LEMD1: variants seen among roughly 807,000 people sequenced by gnomAD.
LEMD1 encodes the protein LEM domain containing 1.
LEMD1 carries 18 observed loss-of-function variants against 17.4 expected under a neutral mutation model. The observed-to-expected ratio is 1.04, with a 90% CI of 0.72 to 1.54. The LOEUF is 1.54. LEMD1 is among the 40% of genes most tolerant of loss of function. LEMD1 has a pLI of 0.00. For synonymous variants in LEMD1, 88 were observed against 77.8 expected (o/e 1.13, Z -0.69); for missense variants, 195 against 210.4 (o/e 0.93, Z 0.45).
chr1:205,401,468 TG>T (rs1471897467), intron 4 of LEMD1, among the ~76,000 whole-genome samples: 1 of 92,054 alleles, frequency 1.1e-5, no homozygotes, highest in Non-Finnish European at 2.4e-5. Context: ...CATTTTTTCA[TG>T]TGTCTTTTGG....
At chr1:205,419,387 C>T in intron 2 of LEMD1, 35 bp from the exon 3 acceptor site, 1 of 1,613,040 alleles carries the variant, frequency 6.2e-7, no homozygotes, top group South Asian at 1.1e-5. Context: ...TTAAATTGTT[C>T]TGTTTTTTGT....
At chr1:205,424,785 G>T (rs1558738768), upstream of LEMD1, among the ~76,000 whole-genome samples, 1 of 152,180 alleles carries the variant, frequency 6.6e-6, no homozygotes, top group Admixed American at 6.5e-5. Context: ...GAAGGATCTG[G>T]TGTGTCACAC....
At chr1:205,442,849 G>A (rs1480897665) in intron 1 of LEMD1, among the ~76,000 whole-genome samples, 2 of 152,194 alleles carry the variant, frequency 1.3e-5, no homozygotes, top group Non-Finnish European at 2.9e-5. Context: ...CCTAGAGAGA[G>A]ACGGGGATCC....
At chr1:205,423,003 TAGAA>T (rs1172615674), upstream of LEMD1, among the ~76,000 whole-genome samples, 3 of 152,218 alleles carry the variant, frequency 2.0e-5, no homozygotes, top group African/African-American at 7.2e-5. Flanking sequence ...GCTTGGCACA[TAGAA>T]AGCATTATAT....
In LEMD1 at chr1:205,381,560, G is replaced by A; in HGVS notation, c.*98C>T. 8.6e-7 allele frequency: 1 copy of A among 1,169,534 alleles called. No homozygotes were observed. The highest frequency in any genetic ancestry group is 1.3e-5 in the South Asian group (1 of 78,704). 72.4% of individuals were successfully genotyped at this position (1,169,534 alleles called of 1,614,324 possible). A position where few individuals can be genotyped will look rare whatever the true frequency, so the allele number is the denominator to read the frequency against. On this transcript the variant is annotated 3_prime_UTR_variant, in exon 6 of 6. Transcript: ENST00000367153. ...CAGTGCAAGGGAAGGCTCCCTGCAA[G>A]GGAGGGCTGCAGGCTAGGCTGGCCC...
chr1:205,431,561 C>T (rs922768125), intron 1 of LEMD1, among the ~76,000 whole-genome samples: 8 of 152,216 alleles, frequency 5.3e-5, no homozygotes, highest in African/African-American at 1.7e-4. Context: ...CTCTTCCCTC[C>T]ATAGCCAATT....
At chr1:205,424,368 T>C (rs969457725), upstream of LEMD1, among the ~76,000 whole-genome samples, 1 of 152,224 alleles carries the variant, frequency 6.6e-6, no homozygotes, top group Non-Finnish European at 1.5e-5. Context: ...TGGGTTTCAG[T>C]GAGCTGATCT....
chr1:205,384,406 A>G (rs1474615986), intron 4 of LEMD1, 42 bp from the exon 5 acceptor site: 1 of 1,312,184 alleles, frequency 7.6e-7, no homozygotes, highest in African/African-American at 1.5e-5. Flanking sequence ...TTTGTTTCCA[A>G]TGTCTTATAC....
chr1:205,431,712 T>G (rs1005621503), intron 1 of LEMD1, among the ~76,000 whole-genome samples: 1 of 152,034 alleles, frequency 6.6e-6, no homozygotes, highest in East Asian at 1.9e-4. Flanking sequence ...GGAAGCTTTT[T>G]TCTTTCTTTC....
chr1:205,394,683 C>T lies in LEMD1; in HGVS notation c.271-10319G>A, dbSNP rs139269925. Among the ~76,000 whole-genome samples, 815 of 152,040 alleles carry T rather than the reference C, an allele frequency of 5.4e-3. 6 individuals are homozygous for T. The highest frequency in any genetic ancestry group is 0.012 in the Admixed American group (179 of 15,276). ...TACAGGCATGAGCCACCAAGTCTGGCCTATTGATTTATTTATTTTATTTTG... is the reference window on the plus strand; with the variant it reads ...TACAGGCATGAGCCACCAAGTCTGGTCTATTGATTTATTTATTTTATTTTG... On this transcript the variant is annotated intron_variant, in intron 4 of 5. Coordinates refer to ENST00000367153, the MANE Select transcript of LEMD1 (RefSeq NM_001199050.2).
Position 205,438,149 on chromosome 1 carries a change from T to C in LEMD1, c.-39+11719A>G, listed in dbSNP as rs527297968. Among the ~76,000 whole-genome samples, 4 of 152,314 alleles carry C rather than the reference T, an allele frequency of 2.6e-5. No individual in the cohort carries two copies. The East Asian group carries it at 7.7e-4, about 29-fold the overall frequency. ...CTTCTTGATCTTCCATTCAGCAGCC[T>C]GAAGCCCAAGAGGGAAAATGGCCAT... On this transcript the variant is annotated intron_variant, in intron 1 of 3. Coordinates refer to the LEMD1 transcript ENST00000367154.
At chr1:205,433,193 TG>T (rs1319872062) in intron 1 of LEMD1, among the ~76,000 whole-genome samples, 1 of 152,192 alleles carries the variant, frequency 6.6e-6, no homozygotes, top group Non-Finnish European at 1.5e-5. Flanking sequence ...CCAGGCATGG[TG>T]GCTCACACCT....
At chr1:205,418,633 A>T (rs1022602165) in intron 3 of LEMD1, among the ~76,000 whole-genome samples, 8 of 152,102 alleles carry the variant, frequency 5.3e-5, no homozygotes, top group Non-Finnish European at 1.2e-4. Flanking sequence ...CTCCTGCCTC[A>T]GCCTCCCGAG....
At chr1:205,401,361 G>A (rs941851445) in intron 4 of LEMD1, among the ~76,000 whole-genome samples, 2 of 152,132 alleles carry the variant, frequency 1.3e-5, no homozygotes, top group African/African-American at 4.8e-5. Flanking sequence ...AGCACCTGTT[G>A]TTTTCTGACT....
intron 4 of LEMD1, among the ~76,000 whole-genome samples, chr1:205,411,535 C>G (rs376637889): frequency 1.2e-4 from 16 of 128,162 alleles, no homozygotes; most frequent in East Asian, 5.0e-4. Context: ...CAGCCTAGGC[C>G]ACAGAGTGAG....
chr1:205,390,594 A>G (rs1664286739), intron 4 of LEMD1, among the ~76,000 whole-genome samples: 1 of 152,248 alleles, frequency 6.6e-6, no homozygotes, highest in Non-Finnish European at 1.5e-5. Flanking sequence ...TATACAAACC[A>G]GGCTACAAAA....
intron 1 of LEMD1, among the ~76,000 whole-genome samples, chr1:205,430,429 A>G (rs1666109547): frequency 6.6e-6 from 1 of 152,154 alleles, no homozygotes; most frequent in African/African-American, 2.4e-5. Flanking sequence ...GAGGCTATGG[A>G]GAATTTCCAG....
chr1:205,390,312 G>A (rs1485469103), intron 4 of LEMD1, among the ~76,000 whole-genome samples: 2 of 150,670 alleles, frequency 1.3e-5, no homozygotes, highest in East Asian at 1.9e-4. Flanking sequence ...CCGAGATTAC[G>A]CCACTGCACT....
upstream of LEMD1, among the ~76,000 whole-genome samples, chr1:205,425,772 A>G (rs917428507): frequency 6.6e-6 from 1 of 152,272 alleles, no homozygotes; most frequent in Non-Finnish European, 1.5e-5. Context: ...ACAAATGTGT[A>G]TAACAAAGGG....
Sources: gnomAD v4.1 joint callset for allele counts (sites outside exome capture counted in the v4.1 genomes callset) on GRCh38, gnomAD v4.1.1 for gene constraint, MANE v1.5 for transcripts, NCBI Gene and HGNC (gene_info 2026-07-23, HGNC 2026-07-21) for gene names.